RBM20: variants seen among roughly 807,000 people sequenced by gnomAD.
RBM20 encodes RNA-binding protein 20.
RBM20 carries 51 observed loss-of-function variants against 110.1 expected under a neutral mutation model. That is an observed-to-expected ratio of 0.46 (90% confidence interval 0.37 to 0.59). RBM20 has a LOEUF of 0.59. RBM20 is among the 20% of genes least tolerant of loss of function. The probability of loss-of-function intolerance (pLI) is 0.00; values close to 1 mark genes in which losing one functional copy is unlikely to be tolerated. For synonymous variants in RBM20, 589 were observed against 618.2 expected (o/e 0.95, Z 0.70); for missense variants, 1,512 against 1,574.9 (o/e 0.96, Z 0.68).
intron 1 of RBM20, among the ~76,000 whole-genome samples, chr10:110,671,153 A>G (rs552153178): frequency 3.7e-4 from 56 of 152,336 alleles, no homozygotes; most frequent in Non-Finnish European, 6.5e-4. Flanking sequence ...GGATCGCTGG[A>G]GAACCACGTG....
chr10:110,828,395 T>A (rs1003996457), intron 12 of RBM20, among the ~76,000 whole-genome samples: 2 of 152,134 alleles, frequency 1.3e-5, no homozygotes, highest in Non-Finnish European at 2.9e-5. Context: ...GGGTTTCTCC[T>A]CCCCCAGGCT....
At chr10:110,781,978 GT>G (rs1404443423) in intron 2 of RBM20, 94 bp downstream of exon 2, 27 of 1,450,742 alleles carry the variant, frequency 1.9e-5, no homozygotes, top group Non-Finnish European at 2.4e-5. Flanking sequence ...GCAAGGAACT[GT>G]TGCATTGGGG....
intron 5 of RBM20, among the ~76,000 whole-genome samples, chr10:110,791,186 A>G (rs1419369965): frequency 1.3e-5 from 2 of 152,258 alleles, no homozygotes. Flanking sequence ...TTCAAAATCA[A>G]CATCTTGCTC....
intron 1 of RBM20, among the ~76,000 whole-genome samples, chr10:110,752,293 A>T (rs1204250178): frequency 6.6e-6 from 1 of 152,202 alleles, no homozygotes; most frequent in Non-Finnish European, 1.5e-5. Context: ...AAAATCATAC[A>T]GTATATGGCC....
intron 2 of RBM20, among the ~76,000 whole-genome samples, chr10:110,783,109 T>C (rs1844375333): frequency 6.6e-6 from 1 of 151,962 alleles, no homozygotes; most frequent in African/African-American, 2.4e-5. Flanking sequence ...GGAATCCAAT[T>C]TGTGAGTCTG....
intron 3 of RBM20, 68 bp downstream of exon 3, chr10:110,783,495 T>G: frequency 8.0e-7 from 1 of 1,253,496 alleles, no homozygotes; most frequent in Non-Finnish European, 1.1e-6. Flanking sequence ...ATTTACTGTG[T>G]GTCACACGCT....
intron 1 of RBM20, among the ~76,000 whole-genome samples, chr10:110,718,693 C>T (rs1344654051): frequency 6.9e-6 from 1 of 144,466 alleles, no homozygotes; most frequent in African/African-American, 2.5e-5. Context: ...CTCACTACAA[C>T]ATCCGCCTCC....
At chr10:110,731,388 G>GT (rs1191232747) in intron 1 of RBM20, among the ~76,000 whole-genome samples, 1 of 152,234 alleles carries the variant, frequency 6.6e-6, no homozygotes, top group Non-Finnish European at 1.5e-5. Context: ...TGGACTCAAT[G>GT]AAGAGAGAAG....
At chr10:110,778,481 C>A (rs747463979) in intron 1 of RBM20, among the ~76,000 whole-genome samples, 5 of 152,308 alleles carry the variant, frequency 3.3e-5, no homozygotes, top group African/African-American at 4.8e-5. Flanking sequence ...TAGCTCCCAG[C>A]CTCTCTCGTT....
At chr10:110,680,304 C>T (rs1334956437) in intron 1 of RBM20, among the ~76,000 whole-genome samples, 1 of 152,124 alleles carries the variant, frequency 6.6e-6, no homozygotes, top group African/African-American at 2.4e-5. Context: ...GGAGGGGTGG[C>T]ACTGGCCAGG....
At chr10:110,771,737 A>G (rs1844194964) in intron 1 of RBM20, among the ~76,000 whole-genome samples, 1 of 152,212 alleles carries the variant, frequency 6.6e-6, no homozygotes, top group South Asian at 2.1e-4. Flanking sequence ...TATGGTAGAT[A>G]TCTAGGTGAA....
At chr10:110,785,531 A>G (rs1348731845) in intron 5 of RBM20, among the ~76,000 whole-genome samples, 1 of 152,200 alleles carries the variant, frequency 6.6e-6, no homozygotes, top group Non-Finnish European at 1.5e-5. Flanking sequence ...ACTCCAGCGC[A>G]GGTGACAGAC....
intron 12 of RBM20, among the ~76,000 whole-genome samples, chr10:110,828,067 C>G (rs1845004704): frequency 6.6e-6 from 1 of 152,206 alleles, no homozygotes; most frequent in Non-Finnish European, 1.5e-5. Flanking sequence ...CCAAGGCTTG[C>G]TCTCAGTAGA....
chr10:110,644,957 T>G lies in RBM20; in HGVS notation c.191+312T>G, dbSNP rs1861847945. On this transcript the variant is annotated intron_variant, in intron 1 of 13. Coordinates refer to ENST00000369519, the MANE Select transcript of RBM20 (RefSeq NM_001134363.3). The surrounding 1 kb of genome is among the most constrained non-coding windows in gnomAD (Gnocchi z 4.3). ...GGGGAAATGGCCCAGCGACTGTATT[T>G]CATCTTTCTGGTCCCAAGAGGACGC... 6.6e-6 allele frequency among the ~76,000 whole-genome samples: 1 copy of G among 152,150 alleles called. No homozygotes were observed. The highest frequency in any genetic ancestry group is 1.5e-5 in the Non-Finnish European group (1 of 68,020).
intron 11 of RBM20, chr10:110,822,403 C>T (rs762823500): frequency 2.0e-5 from 9 of 458,508 alleles, no homozygotes; most frequent in South Asian, 1.4e-4. Context: ...CCCCTTCTTA[C>T]TACCTCAGAC....
chr10:110,823,456 T>C (rs1383565158), intron 11 of RBM20, 24 bp from the exon 12 acceptor site: 4 of 895,866 alleles, frequency 4.5e-6, no homozygotes, highest in Non-Finnish European at 4.3e-6. Context: ...TTTTTTTTTT[T>C]TTGCCTTGGT....
chr10:110,674,524 C>T (rs960603512), intron 1 of RBM20, among the ~76,000 whole-genome samples: 9 of 152,194 alleles, frequency 5.9e-5, no homozygotes, highest in South Asian at 2.1e-4. Context: ...ACATTTTTGT[C>T]GTGACCACGC....
At chr10:110,709,283 C>A (rs979275008) in intron 1 of RBM20, among the ~76,000 whole-genome samples, 1 of 152,044 alleles carries the variant, frequency 6.6e-6, no homozygotes, top group African/African-American at 2.4e-5. Flanking sequence ...ATGCTGGGAT[C>A]GGGAGTCAAA....
intron 7 of RBM20, among the ~76,000 whole-genome samples, chr10:110,800,340 A>C (rs2135079773): frequency 6.6e-6 from 1 of 152,334 alleles, no homozygotes; most frequent in Admixed American, 6.5e-5. Flanking sequence ...TTTACGTCTT[A>C]AGCCTCATAG....
Sources: allele counts gnomAD v4.1 joint callset (sites outside exome capture counted in the v4.1 genomes callset), GRCh38; gene constraint gnomAD v4.1.1; non-coding constraint Gnocchi (gnomAD v3.1); transcripts MANE v1.5; gene names NCBI Gene and HGNC (gene_info 2026-07-23, HGNC 2026-07-21).